The following EPHA5 variants were observed in gnomAD, a reference collection of about 807,000 sequenced individuals.
EPHA5 encodes EPH receptor A5, also known as ephrin type-A receptor 5.
In EPHA5, 60 loss-of-function variants were observed where a neutral mutation model predicts 105.0. The observed-to-expected ratio is 0.57, with a 90% confidence interval of 0.46 to 0.71. The LOEUF (loss-of-function observed/expected upper bound fraction) is 0.71, where lower values mean the gene tolerates loss of function less well. Among genes scored for constraint, EPHA5 ranks in the 30% least tolerant of loss-of-function variants. EPHA5 has a pLI of 0.00. For missense variants in EPHA5, 1,218 were observed against 1,274.7 expected, an observed-to-expected ratio of 0.96 and a Z score of 0.68; for synonymous variants, 513 against 449.1, an observed-to-expected ratio of 1.14 and a Z score of -1.80.
intron 11 of EPHA5, among the ~76,000 whole-genome samples, chr4:65,359,124 T>A (rs1723581258): frequency 6.6e-6 from 1 of 151,634 alleles, no homozygotes. Context: ...AATCTCTTTC[T>A]ATAAACCTAT....
At chr4:65,595,396 C>G (rs1743071858) in intron 3 of EPHA5, among the ~76,000 whole-genome samples, 1 of 151,880 alleles carries the variant, frequency 6.6e-6, no homozygotes, top group Admixed American at 6.6e-5. Flanking sequence ...GTACTTCTAA[C>G]AAAATTTTTA....
intron 2 of EPHA5, among the ~76,000 whole-genome samples, chr4:65,619,816 T>A (rs1745552714): frequency 6.6e-6 from 1 of 151,878 alleles, no homozygotes. Context: ...TCCAGAAAAA[T>A]TAGCTTAGAA....
chr4:65,325,934 T>G (rs73214241), intron 16 of EPHA5, among the ~76,000 whole-genome samples: 1 of 150,480 alleles, frequency 6.6e-6, no homozygotes, highest in Admixed American at 6.7e-5. Context: ...CCTTCATTTT[T>G]ACAAGATAAA....
At chr4:65,409,010 T>TA (rs34846948) in intron 7 of EPHA5, among the ~76,000 whole-genome samples, 1 of 147,016 alleles carries the variant, frequency 6.8e-6, no homozygotes, top group African/African-American at 2.5e-5. Flanking sequence ...TATGCAGCCA[T>TA]AAAAAAAGGA....
intron 3 of EPHA5, among the ~76,000 whole-genome samples, chr4:65,498,910 G>A (rs938916119): frequency 1.5e-4 from 23 of 151,374 alleles, no homozygotes; most frequent in African/African-American, 5.6e-4. Flanking sequence ...AAATTCCAAG[G>A]GGTCATAGTA....
At chr4:65,437,216 T>C (rs1725561970) in intron 5 of EPHA5, among the ~76,000 whole-genome samples, 1 of 151,990 alleles carries the variant, frequency 6.6e-6, no homozygotes, top group South Asian at 2.1e-4. Context: ...TATTCTAGAA[T>C]CTCAGCTTGC....
At position 65,331,976 on chromosome 4, in the gene EPHA5, A is replaced by G; in HGVS notation, c.2942T>C (p.Leu981Ser). 6.3e-7 allele frequency: 1 copy of G among 1,596,014 alleles called. No individual in the cohort carries two copies. Among genetic ancestry groups the G allele is most frequent in the Non-Finnish European group, 8.5e-7 (1 of 1,173,848 alleles). ...AATTATCAGAAAAATTACTCACTCC[A>G]AGGTCACCTGAGCCACAGCGTCCAT... ...SSMDAVAQVT[L>S]EDLRRLGVTL... The change falls in exon 16 of 17, where the codon TTG becomes TCG. Residue 981 changes from leucine to serine, a missense_variant. Physicochemically the swap from Leu to Ser is moderately radical, Grantham distance 145. Transcript: ENST00000613740.
chr4:65,565,200 A>G (rs1739409326), intron 3 of EPHA5, among the ~76,000 whole-genome samples: 1 of 151,714 alleles, frequency 6.6e-6, no homozygotes, highest in South Asian at 2.1e-4. Context: ...TCCAGGAAAT[A>G]AGATTCAAGG....
chr4:65,476,298 A>G (rs961163592), intron 5 of EPHA5, among the ~76,000 whole-genome samples: 2 of 152,176 alleles, frequency 1.3e-5, no homozygotes, highest in Non-Finnish European at 2.9e-5. Context: ...GTGAATTGCC[A>G]TTAAATAACA....
intron 3 of EPHA5, among the ~76,000 whole-genome samples, chr4:65,543,877 T>C (rs189951445): frequency 8.2e-4 from 124 of 152,056 alleles, no homozygotes; most frequent in African/African-American, 2.7e-3. Flanking sequence ...AAAACAGATA[T>C]ATAGACTAGT....
Position 65,548,204 on chromosome 4 carries a change from G to C in EPHA5, c.911-52661C>G, listed in dbSNP as rs920041323. Among the ~76,000 whole-genome samples, 17 of 48,926 alleles carry C rather than the reference G, an allele frequency of 3.5e-4. 3 individuals are homozygous for C. The allele number at this position is 48,926 out of a possible 152,430, so 32.1% of individuals were successfully genotyped here. ...ATTTTGAAGTAAATACATAAAATAT[G>C]TGTTTAATAAGAAAAATGCAAGAAT... On this transcript the variant is annotated intron_variant, in intron 3 of 16. Coordinates refer to ENST00000613740, the MANE Select transcript of EPHA5 (RefSeq NM_001281766.3).
chr4:65,429,503 G>A (rs963997056), intron 5 of EPHA5, among the ~76,000 whole-genome samples: 1 of 151,924 alleles, frequency 6.6e-6, no homozygotes, highest in African/African-American at 2.4e-5. Flanking sequence ...CTCTAATTCA[G>A]TTGTTAATTA....
intron 3 of EPHA5, among the ~76,000 whole-genome samples, chr4:65,544,421 T>C (rs1053098442): frequency 6.6e-6 from 1 of 151,616 alleles, no homozygotes; most frequent in African/African-American, 2.4e-5. Flanking sequence ...GCATACGATA[T>C]GAACAGACAC....
At chr4:65,592,865 C>T (rs1033487976) in intron 3 of EPHA5, among the ~76,000 whole-genome samples, 1 of 152,052 alleles carries the variant, frequency 6.6e-6, no homozygotes, top group African/African-American at 2.4e-5. Flanking sequence ...TGTGTTGCAC[C>T]GTAAATGTTG....
intron 3 of EPHA5, among the ~76,000 whole-genome samples, chr4:65,556,243 C>A (rs567514059): frequency 3.3e-5 from 5 of 152,068 alleles, no homozygotes; most frequent in South Asian, 4.1e-4. Context: ...AATGGTACAG[C>A]CTCAAGAGAC....
chr4:65,664,851 T>G (rs186457989), intron 1 of EPHA5, among the ~76,000 whole-genome samples: 7 of 152,010 alleles, frequency 4.6e-5, no homozygotes, highest in Admixed American at 4.6e-4. Context: ...TACGATCAAT[T>G]TTTACTGATT....
intron 8 of EPHA5, among the ~76,000 whole-genome samples, chr4:65,403,021 T>G (rs1207675228): frequency 6.7e-6 from 1 of 149,930 alleles, no homozygotes; most frequent in Non-Finnish European, 1.5e-5. Context: ...AACTGTCCCC[T>G]AGGCTAGAAA....
chr4:65,658,769 T>A (rs1026309856), intron 1 of EPHA5, among the ~76,000 whole-genome samples: 6 of 152,080 alleles, frequency 3.9e-5, no homozygotes, highest in Non-Finnish European at 8.8e-5. Flanking sequence ...GTTTTTACAA[T>A]TTTGCTATAC....
intron 1 of EPHA5, among the ~76,000 whole-genome samples, chr4:65,662,392 T>G (rs540084940): frequency 6.6e-6 from 1 of 152,266 alleles, no homozygotes; most frequent in Non-Finnish European, 1.5e-5. Context: ...GTGGCTAGTT[T>G]ATTTAGAACT....
Sources: allele counts gnomAD v4.1 joint callset (sites outside exome capture counted in the v4.1 genomes callset), GRCh38; gene constraint gnomAD v4.1.1; transcripts MANE v1.5; gene names NCBI Gene and HGNC (gene_info 2026-07-23, HGNC 2026-07-21).